IQCM: variants seen among roughly 807,000 people sequenced by gnomAD.
IQCM encodes the protein IQ motif containing M.
Under a neutral mutation model 57.6 loss-of-function variants are expected in IQCM, and 45 were observed. The ratio of observed to expected loss-of-function variants is 0.78; its 90% CI spans 0.62 to 1.00. The LOEUF is 1.00. Among genes scored for constraint, IQCM ranks in the 50% least tolerant of loss-of-function variants. The probability of loss-of-function intolerance (pLI) is 0.00; values close to 1 mark genes in which losing one functional copy is unlikely to be tolerated. For missense variants in IQCM, 468 were observed against 511.6 expected (o/e 0.91, Z 0.82); for synonymous variants, 148 against 158.9 (o/e 0.93, Z 0.51).
intron 12 of IQCM, among the ~76,000 whole-genome samples, chr4:149,506,949 A>G (rs1352742665): frequency 6.6e-6 from 1 of 152,170 alleles, no homozygotes; most frequent in Non-Finnish European, 1.5e-5. Flanking sequence ...CTGTGCCCCC[A>G]CCCAAATCTC....
intron 13 of IQCM, among the ~76,000 whole-genome samples, chr4:149,415,793 G>A (rs1733705912): frequency 1.3e-5 from 2 of 152,096 alleles, no homozygotes; most frequent in South Asian, 4.1e-4. Context: ...GCTGGGTAGT[G>A]AGGTTGGTAC....
chr4:149,591,108 C>T (rs376664592), intron 8 of IQCM, among the ~76,000 whole-genome samples: 1 of 152,000 alleles, frequency 6.6e-6, no homozygotes, highest in African/African-American at 2.4e-5. Context: ...TTTTCATACT[C>T]CTTTTCCCCA....
chr4:149,451,602 T>A (rs546144223), intron 12 of IQCM, among the ~76,000 whole-genome samples: 1 of 151,858 alleles, frequency 6.6e-6, no homozygotes, highest in East Asian at 1.9e-4. Flanking sequence ...AAAAGAGCAA[T>A]TGATAGAAAA....
At chr4:149,519,780 G>A (rs981807369) in intron 12 of IQCM, among the ~76,000 whole-genome samples, 19 of 150,604 alleles carry the variant, frequency 1.3e-4, no homozygotes, top group African/African-American at 3.9e-4. Flanking sequence ...TGAAGCGAGT[G>A]GATCACGAGG....
intron 12 of IQCM, among the ~76,000 whole-genome samples, chr4:149,455,981 A>C (rs1160083778): frequency 1.3e-5 from 2 of 152,020 alleles, no homozygotes; most frequent in African/African-American, 4.8e-5. Context: ...TGTCTTAAAA[A>C]ATAAAAATAA....
intron 7 of IQCM, among the ~76,000 whole-genome samples, chr4:149,652,049 C>A (rs571450976): frequency 1.3e-5 from 2 of 152,112 alleles, no homozygotes; most frequent in Non-Finnish European, 2.9e-5. Flanking sequence ...TTGGAACCAA[C>A]CCAAATGTCC....
At chr4:149,529,811 C>A (rs1310351682) in intron 12 of IQCM, among the ~76,000 whole-genome samples, 1 of 152,128 alleles carries the variant, frequency 6.6e-6, no homozygotes, top group Non-Finnish European at 1.5e-5. Context: ...GCCCCACAGC[C>A]CATTCACATG....
At chr4:149,637,162 G>GAAAAAA (rs1021089498) in intron 7 of IQCM, among the ~76,000 whole-genome samples, 7 of 99,458 alleles carry the variant, frequency 7.0e-5, no homozygotes, top group East Asian at 2.9e-4. Flanking sequence ...AAAAAAAAAA[G>GAAAAAA]AAAAAAAAAA....
intron 11 of IQCM, 100 bp from the exon 12 acceptor site, chr4:149,548,689 A>G (rs921055005): frequency 3.8e-6 from 2 of 526,726 alleles, no homozygotes; most frequent in Non-Finnish European, 5.8e-6. Flanking sequence ...GTAAGTCTCC[A>G]TGATTAGTCT....
chr4:149,452,783 G>T (rs887329680), intron 12 of IQCM, among the ~76,000 whole-genome samples: 1 of 151,312 alleles, frequency 6.6e-6, no homozygotes, highest in African/African-American at 2.4e-5. Context: ...GGTAAAGTTT[G>T]TTATTGTCAA....
chr4:149,564,675 C>T (rs2726748), intron 9 of IQCM, among the ~76,000 whole-genome samples: 35,585 of 151,982 alleles, frequency 0.23, 4,741 homozygotes, highest in Non-Finnish European at 0.29. Context: ...ATTTTTCTTC[C>T]GTACTGGTTG....
intron 7 of IQCM, among the ~76,000 whole-genome samples, chr4:149,651,173 T>A (rs1759142016): frequency 6.6e-6 from 1 of 152,164 alleles, no homozygotes; most frequent in South Asian, 2.1e-4. Context: ...AACAGAAAAT[T>A]GCTCTCTAAA....
At chr4:149,646,126 G>A (rs987288770) in intron 7 of IQCM, among the ~76,000 whole-genome samples, 3 of 152,046 alleles carry the variant, frequency 2.0e-5, no homozygotes, top group Non-Finnish European at 2.9e-5. Flanking sequence ...CCATCCCTAG[G>A]TACTCTCTGT....
At chr4:149,361,229 A>G (rs1456109823) in intron 13 of IQCM, among the ~76,000 whole-genome samples, 1 of 152,152 alleles carries the variant, frequency 6.6e-6, no homozygotes, top group Non-Finnish European at 1.5e-5. Flanking sequence ...GTACTGTTAG[A>G]GGTATTCAGT....
intron 2 of IQCM, among the ~76,000 whole-genome samples, chr4:149,749,548 G>T (rs1181836265): frequency 6.6e-6 from 1 of 152,080 alleles, no homozygotes; most frequent in Non-Finnish European, 1.5e-5. Context: ...AGGGTCTGAG[G>T]TGGGGGGCAC....
chr4:149,480,628 A>AT (rs1298751832), intron 12 of IQCM, among the ~76,000 whole-genome samples: 3 of 152,202 alleles, frequency 2.0e-5, no homozygotes, highest in African/African-American at 7.2e-5. Flanking sequence ...TCCATTGTGT[A>AT]TAAGTACCAC....
intron 12 of IQCM, among the ~76,000 whole-genome samples, chr4:149,459,194 TGA>T (rs1384264094): frequency 2.0e-5 from 3 of 152,218 alleles, no homozygotes; most frequent in African/African-American, 7.2e-5. Flanking sequence ...CTTCTTTAAA[TGA>T]GATAAAAACA....
chr4:149,500,491 G>C (rs543530349), intron 12 of IQCM, among the ~76,000 whole-genome samples: 28 of 152,200 alleles, frequency 1.8e-4, no homozygotes, highest in African/African-American at 6.7e-4. Context: ...AAATAGAGAT[G>C]GCTGAGGCAT....
chr4:149,392,007 T>C (rs1468723364), intron 13 of IQCM, among the ~76,000 whole-genome samples: 1 of 151,990 alleles, frequency 6.6e-6, no homozygotes, highest in Non-Finnish European at 1.5e-5. Flanking sequence ...TTTAAGTGTT[T>C]AGGTTCTCTA....
Sources: gnomAD v4.1 joint callset for allele counts (sites outside exome capture counted in the v4.1 genomes callset) on GRCh38, gnomAD v4.1.1 for gene constraint, MANE v1.5 for transcripts, NCBI Gene and HGNC (gene_info 2026-07-23, HGNC 2026-07-21) for gene names.